The following AOPEP variants were observed in gnomAD, a reference collection of about 807,000 sequenced individuals.
AOPEP encodes the protein aminopeptidase O.
In AOPEP, 77 loss-of-function variants were observed where a neutral mutation model predicts 98.1. The ratio of observed to expected loss-of-function variants is 0.78; its 90% confidence interval spans 0.65 to 0.95. The LOEUF (loss-of-function observed/expected upper bound fraction) is 0.95, where lower values mean the gene tolerates loss of function less well. AOPEP is among the 40% of genes least tolerant of loss of function. The pLI is 0.00. For synonymous variants in AOPEP, 346 were observed against 365.3 expected, an observed-to-expected ratio of 0.95 and a Z score of 0.60; for missense variants, 1,024 against 1,024.7, an observed-to-expected ratio of 1.00 and a Z score of 0.01.
intron 5 of AOPEP, among the ~76,000 whole-genome samples, chr9:94,913,245 G>A (rs984560644): frequency 6.6e-6 from 1 of 152,162 alleles, no homozygotes; most frequent in Non-Finnish European, 1.5e-5. Context: ...GAAATAGAAG[G>A]CTCATAATTT....
rs368648649 is a variant in AOPEP, at chr9:94,955,992, C to T, written c.1849C>T (p.His617Tyr). The T allele has an allele frequency of 1.2e-6, 2 of 1,611,980 alleles. No individual in the cohort carries two copies. The highest frequency in any genetic ancestry group is 1.7e-6 in the Non-Finnish European group (2 of 1,178,382). ...TTTAAGAAAATTTGTGCACACATTT[C>T]ATGGACAGCTGATTCTTTCCCAGGT... is the stretch of plus-strand genomic sequence containing the variant. Reference protein sequence around the residue: ...SFLRKFVHTFHGQLILSQDFL... With the variant: ...SFLRKFVHTFYGQLILSQDFL... The change falls in exon 9 of 17, where the codon CAT (histidine) becomes TAT (tyrosine). Residue 617 changes from histidine to tyrosine, a missense_variant. This residue lies in a region of AOPEP where 566 missense variants were observed against 551.7 expected (regional missense o/e 1.03). Transcript: ENST00000375315.
chr9:94,865,276 A>AAAC (rs1295209334), intron 5 of AOPEP, among the ~76,000 whole-genome samples: 11 of 152,248 alleles, frequency 7.2e-5, no homozygotes, highest in Non-Finnish European at 1.6e-4. Flanking sequence ...AAATTTGACC[A>AAAC]AACGACTCTC....
At chr9:95,037,070 G>A (rs1564554785) in intron 13 of AOPEP, among the ~76,000 whole-genome samples, 2 of 152,098 alleles carry the variant, frequency 1.3e-5, no homozygotes, top group Non-Finnish European at 2.9e-5. Context: ...AGCTGTCTTC[G>A]GCCTAAGAGT....
intron 7 of AOPEP, among the ~76,000 whole-genome samples, chr9:94,937,895 T>A (rs150451747): frequency 3.9e-5 from 6 of 152,134 alleles, no homozygotes; most frequent in Non-Finnish European, 5.9e-5. Context: ...TTTTTTGAGA[T>A]GGAATCTCGC....
At chr9:94,761,263 T>G (rs943589750) in intron 2 of AOPEP, among the ~76,000 whole-genome samples, 1 of 152,204 alleles carries the variant, frequency 6.6e-6, no homozygotes, top group Non-Finnish European at 1.5e-5. Context: ...GAGGTGTCGT[T>G]TTCTAGAGGA....
chr9:94,912,744 G>A (rs537683635), intron 5 of AOPEP, among the ~76,000 whole-genome samples: 8 of 152,322 alleles, frequency 5.3e-5, no homozygotes, highest in South Asian at 2.1e-4. Context: ...GGCACAGCGC[G>A]TTTCTTCCAT....
chr9:94,842,236 C>T (rs1014543619), intron 5 of AOPEP, among the ~76,000 whole-genome samples: 2 of 152,060 alleles, frequency 1.3e-5, no homozygotes, highest in African/African-American at 4.8e-5. Context: ...ATGGCGTGCA[C>T]CTGTAGTCCC....
chr9:94,801,025 T>C (rs755515276), intron 5 of AOPEP, 23 bp downstream of exon 5: 42 of 1,612,716 alleles, frequency 2.6e-5, no homozygotes, highest in Non-Finnish European at 3.6e-5. Flanking sequence ...ATTGTGGCAC[T>C]TGGGGTACAT....
chr9:95,059,154 G>C (rs563091815), intron 13 of AOPEP, among the ~76,000 whole-genome samples: 3 of 152,330 alleles, frequency 2.0e-5, no homozygotes, highest in African/African-American at 7.2e-5. Context: ...TTTAAAACAT[G>C]CTGCAATTAC....
At chr9:95,015,005 T>C (rs2062861501) in intron 13 of AOPEP, among the ~76,000 whole-genome samples, 1 of 152,128 alleles carries the variant, frequency 6.6e-6, no homozygotes, top group Admixed American at 6.5e-5. Context: ...ATATCAAAGA[T>C]CACTTACAAA....
chr9:94,927,819 G>T (rs1229451569), intron 6 of AOPEP, among the ~76,000 whole-genome samples: 1 of 152,246 alleles, frequency 6.6e-6, no homozygotes, highest in African/African-American at 2.4e-5. Flanking sequence ...CCCAGTGGGT[G>T]CTCTGCTGCC....
At chr9:94,799,456 G>C (rs569863459) in intron 4 of AOPEP, among the ~76,000 whole-genome samples, 1 of 151,750 alleles carries the variant, frequency 6.6e-6, no homozygotes, top group South Asian at 2.1e-4. Flanking sequence ...TGTAGTCCTA[G>C]CTACTCAGGA....
chr9:94,790,707 G>T (rs1207762406), intron 3 of AOPEP, among the ~76,000 whole-genome samples: 1 of 152,030 alleles, frequency 6.6e-6, no homozygotes, highest in African/African-American at 2.4e-5. Flanking sequence ...TTTGTTTTGA[G>T]ATAGACAAAG....
intron 1 of AOPEP, among the ~76,000 whole-genome samples, chr9:94,732,116 C>A (rs542612723): frequency 2.0e-5 from 3 of 152,096 alleles, no homozygotes; most frequent in East Asian, 3.9e-4. Context: ...GTTCCATATT[C>A]GTTTTTAACA....
chr9:94,830,620 A>G lies in AOPEP; in HGVS notation c.1364+29618A>G, dbSNP rs961138665. Among the ~76,000 whole-genome samples the G allele has an allele frequency of 3.9e-5, 6 of 152,330 alleles. No homozygotes were observed. In the South Asian group the frequency reaches 1.2e-3, roughly 32 times the overall value. ...TATTTCTGCTTCTGGATCTTTGAGGAATGGCCACACTGTCTTCCACGATGG... is the reference window on the plus strand; with the variant it reads ...TATTTCTGCTTCTGGATCTTTGAGGGATGGCCACACTGTCTTCCACGATGG... On this transcript the variant is annotated intron_variant, in intron 5 of 16. Coordinates refer to ENST00000375315, the MANE Select transcript of AOPEP (RefSeq NM_001193329.3).
At chr9:95,128,564 TA>T in the AOPEP span, among the ~76,000 whole-genome samples, 1 of 152,226 alleles carries the variant, frequency 6.6e-6, no homozygotes, top group East Asian at 1.9e-4. Flanking sequence ...AGATGTAGAT[TA>T]GGGCTACTAT....
intron 1 of AOPEP, among the ~76,000 whole-genome samples, chr9:94,757,592 T>C (rs1039642933): frequency 6.6e-6 from 1 of 152,166 alleles, no homozygotes; most frequent in Non-Finnish European, 1.5e-5. Context: ...ATTATACAGA[T>C]TTTTAGAAGT....
intron 5 of AOPEP, among the ~76,000 whole-genome samples, chr9:94,842,923 G>A (rs898166963): frequency 7.9e-5 from 12 of 152,192 alleles, no homozygotes; most frequent in Admixed American, 5.9e-4. Flanking sequence ...CTGTTTTCAA[G>A]AATTTTTACT....
Position 95,005,620 on chromosome 9 carries a change from G to A in AOPEP, c.2115+4G>A, listed in dbSNP as rs376263921. ...GAAGGAAGAGGTGTTTGAAAAGGTA[G>A]GGGTTCCCGAGACGGTACTCGGTGC... is the stretch of plus-strand genomic sequence containing the variant. On this transcript the variant is annotated splice_donor_region_variant and intron_variant, in intron 13 of 16. Coordinates refer to ENST00000375315, the MANE Select transcript of AOPEP (RefSeq NM_001193329.3). 1.2e-6 allele frequency: 2 copies of A among 1,613,736 alleles called. No individual in the cohort carries two copies. The highest frequency in any genetic ancestry group is 2.7e-5 in the African/African-American group (2 of 75,040).
Sources: allele counts gnomAD v4.1 joint callset (sites outside exome capture counted in the v4.1 genomes callset), GRCh38; gene constraint gnomAD v4.1.1; regional missense constraint gnomAD v4.1.1; transcripts MANE v1.5; gene names NCBI Gene and HGNC (gene_info 2026-07-23, HGNC 2026-07-21).